The following TRAF3IP1 variants were observed in gnomAD, a reference collection of about 807,000 sequenced individuals.
TRAF3IP1 encodes TRAF3-interacting protein 1.
In TRAF3IP1, 53 loss-of-function variants were observed where a neutral mutation model predicts 89.9. The ratio of observed to expected loss-of-function variants is 0.59; its 90% CI spans 0.47 to 0.74. TRAF3IP1 has a LOEUF of 0.74. TRAF3IP1 is among the 30% of genes least tolerant of loss of function. TRAF3IP1 has a pLI of 0.00. For synonymous variants in TRAF3IP1, 311 were observed against 322.1 expected, an observed-to-expected ratio of 0.97 and a Z score of 0.37; for missense variants, 806 against 866.1, an observed-to-expected ratio of 0.93 and a Z score of 0.87.
At chr2:238,335,814 ATTTT>A (rs990773559) in intron 7 of TRAF3IP1, among the ~76,000 whole-genome samples, 6 of 129,648 alleles carry the variant, frequency 4.6e-5, no homozygotes, top group Admixed American at 7.6e-5. Context: ...TTATTTATTT[ATTTT>A]GAGACGGAGT....
intron 15 of TRAF3IP1, among the ~76,000 whole-genome samples, chr2:238,396,995 C>A (rs1019028829): frequency 6.6e-6 from 1 of 152,200 alleles, no homozygotes; most frequent in African/African-American, 2.4e-5. Flanking sequence ...TGCCCCCTGG[C>A]AAGCTGGGTT....
intron 6 of TRAF3IP1, among the ~76,000 whole-genome samples, chr2:238,333,610 G>A (rs767109253): frequency 3.9e-5 from 6 of 152,170 alleles, no homozygotes; most frequent in Non-Finnish European, 8.8e-5. Context: ...TACCTTCTGA[G>A]TTGCTTACAA....
At chr2:238,372,589 C>T (rs1027938695) in intron 15 of TRAF3IP1, among the ~76,000 whole-genome samples, 9 of 152,212 alleles carry the variant, frequency 5.9e-5, no homozygotes, top group African/African-American at 1.9e-4. Context: ...CCATAATAAA[C>T]GTACATGTCC....
intron 15 of TRAF3IP1, among the ~76,000 whole-genome samples, chr2:238,376,412 A>G (rs1700319280): frequency 6.6e-6 from 1 of 152,176 alleles, no homozygotes; most frequent in African/African-American, 2.4e-5. Context: ...GCTTCAGAAC[A>G]AGGCCTTGTG....
At chr2:238,374,692 T>C (rs1700244046) in intron 15 of TRAF3IP1, among the ~76,000 whole-genome samples, 1 of 152,232 alleles carries the variant, frequency 6.6e-6, no homozygotes, top group African/African-American at 2.4e-5. Flanking sequence ...TGGAATAGTT[T>C]CAGAAGGAAC....
At chr2:238,323,702 T>C (rs1389590618) in intron 1 of TRAF3IP1, among the ~76,000 whole-genome samples, 3 of 152,240 alleles carry the variant, frequency 2.0e-5, no homozygotes, top group African/African-American at 7.2e-5. Flanking sequence ...TGAGCATACC[T>C]GTCCTTACCA....
At chr2:238,364,842 G>C (rs1344960150) in intron 15 of TRAF3IP1, among the ~76,000 whole-genome samples, 2 of 152,124 alleles carry the variant, frequency 1.3e-5, no homozygotes, top group Admixed American at 1.3e-4. Context: ...CCCATATCTT[G>C]TCCTGGTGAG....
At chr2:238,349,197 C>T (rs953757627) in intron 11 of TRAF3IP1, 128 bp from the exon 12 acceptor site, 19 of 837,142 alleles carry the variant, frequency 2.3e-5, no homozygotes, top group African/African-American at 1.2e-4. Context: ...TGCAGAGTAG[C>T]GTGTCCTAAC....
rs950421253 is a variant in TRAF3IP1, at chr2:238,351,846, TGTGTGTGTGTGTGTGTGTGTGC to T, written c.1452-979_1452-958del. Among the ~76,000 whole-genome samples the T allele has an allele frequency of 1.2e-4, 16 of 134,348 alleles. No individual in the cohort carries two copies. Among genetic ancestry groups the T allele is most frequent in the Admixed American group, 3.6e-4 (5 of 14,060 alleles). The allele number at this position is 134,348 out of a possible 152,430, so 88.1% of individuals were successfully genotyped here. ...AAGGGAGGATTTTGGTGTGTGTGTG[TGTGTGTGTGTGTGTGTGTGTGC>T]GCGCGCGCGCGTGTGCGTGCATGTG... On this transcript the variant is annotated intron_variant, in intron 12 of 16. Coordinates refer to ENST00000373327, the MANE Select transcript of TRAF3IP1 (RefSeq NM_015650.4). This position sits in a 1 kb window ranked among gnomAD's most constrained non-coding sequence, Gnocchi z 5.2.
intron 8 of TRAF3IP1, among the ~76,000 whole-genome samples, chr2:238,340,314 G>A (rs1698580877): frequency 6.6e-6 from 1 of 152,170 alleles, no homozygotes; most frequent in Non-Finnish European, 1.5e-5. Context: ...ATTGGGTCTG[G>A]TTAATGAGCT....
chr2:238,388,292 T>G (rs977580902), intron 15 of TRAF3IP1, among the ~76,000 whole-genome samples: 5 of 150,758 alleles, frequency 3.3e-5, no homozygotes, highest in African/African-American at 1.2e-4. Context: ...GGAGAATCAC[T>G]TGAACTGGGG....
At chr2:238,380,299 A>G (rs1033065054) in intron 15 of TRAF3IP1, among the ~76,000 whole-genome samples, 4 of 152,146 alleles carry the variant, frequency 2.6e-5, no homozygotes, top group Non-Finnish European at 4.4e-5. Context: ...TGCAGGAGCC[A>G]CGTGGAGAAG....
chr2:238,342,573 A>G (rs974675589), intron 8 of TRAF3IP1, among the ~76,000 whole-genome samples: 2 of 152,216 alleles, frequency 1.3e-5, no homozygotes, highest in African/African-American at 2.4e-5. Context: ...GATGGTGAAT[A>G]TGGTAGAGTA....
chr2:238,343,678 GGTCTT>G (rs1347664262), intron 8 of TRAF3IP1, among the ~76,000 whole-genome samples: 1 of 146,860 alleles, frequency 6.8e-6, no homozygotes, highest in Non-Finnish European at 1.5e-5. Flanking sequence ...CCCGAGATAG[GGTCTT>G]ACTCTTTGCC....
Position 238,331,951 on chromosome 2 carries a change from G to A in TRAF3IP1, c.916-873G>A, listed in dbSNP as rs371297904. Among the ~76,000 whole-genome samples, 39 of 152,318 alleles carry A rather than the reference G, an allele frequency of 2.6e-4. No homozygotes were observed. The South Asian group carries it at 7.9e-3, about 31-fold the overall frequency. The stretch of plus-strand genomic sequence containing the variant: ...CCTAGGCTACCTCATGGGCTTTTGC[G>A]AAGAAGAGGTGAAATAGTAGATATG... On this transcript the variant is annotated intron_variant, in intron 5 of 16. Transcript: ENST00000373327.
intron 15 of TRAF3IP1, among the ~76,000 whole-genome samples, chr2:238,378,214 C>G (rs565746595): frequency 1.6e-4 from 24 of 152,178 alleles, no homozygotes; most frequent in African/African-American, 5.8e-4. Flanking sequence ...TCCTTCTCTA[C>G]TATTTTTCTT....
At chr2:238,341,825 C>T (rs549529957) in intron 8 of TRAF3IP1, among the ~76,000 whole-genome samples, 20 of 152,206 alleles carry the variant, frequency 1.3e-4, no homozygotes, top group African/African-American at 4.1e-4. Context: ...CAAAGCATAG[C>T]CCATGGAGAG....
chr2:238,325,917 C>G lies in TRAF3IP1; in HGVS notation c.301C>G (p.Pro101Ala), dbSNP rs746714906. The G allele has an allele frequency of 1.9e-6, 3 of 1,614,074 alleles. No homozygotes were observed. Among genetic ancestry groups the G allele is most frequent in the Admixed American group, 3.3e-5 (2 of 59,996 alleles). The change falls in exon 3 of 17, where the codon CCT becomes GCT. Residue 101 changes from proline (P) to alanine (A), a missense_variant. Pro to Ala is a conservative substitution (Grantham distance 27). Transcript: ENST00000373327. Reference protein sequence around the residue: ...KPARIVAGHEPERTNELLQII... With the variant: ...KPARIVAGHEAERTNELLQII... The stretch of plus-strand genomic sequence containing the variant: ...AGCCCGAATCGTGGCGGGGCATGAG[C>G]CTGAAAGAACAAACGAGCTGCTCCA...
chr2:238,382,101 G>C (rs1422359550), intron 15 of TRAF3IP1, among the ~76,000 whole-genome samples: 1 of 152,148 alleles, frequency 6.6e-6, no homozygotes, highest in Non-Finnish European at 1.5e-5. Context: ...ATATGAAGGA[G>C]GAAACACCAA....
Sources: gnomAD v4.1 joint callset for allele counts (sites outside exome capture counted in the v4.1 genomes callset) on GRCh38, gnomAD v4.1.1 for gene constraint, Gnocchi (gnomAD v3.1) non-coding constraint, MANE v1.5 for transcripts, NCBI Gene and HGNC (gene_info 2026-07-23, HGNC 2026-07-21) for gene names.